The following GPBP1L1 variants were observed in gnomAD, a reference collection of about 807,000 sequenced individuals.
The protein encoded by GPBP1L1 is vasculin-like protein 1.
GPBP1L1 carries 23 observed loss-of-function variants against 52.5 expected under a neutral mutation model. The ratio of observed to expected loss-of-function variants is 0.44; its 90% CI spans 0.32 to 0.62. GPBP1L1 has a LOEUF of 0.62. GPBP1L1 is among the 20% of genes least tolerant of loss of function. GPBP1L1 has a pLI of 0.06. For missense variants in GPBP1L1, 596 were observed against 579.3 expected, an observed-to-expected ratio of 1.03 and a Z score of -0.30; for synonymous variants, 243 against 203.1, an observed-to-expected ratio of 1.20 and a Z score of -1.67.
At chr1:45,685,109 G>A (rs1206776689) in intron 2 of GPBP1L1, among the ~76,000 whole-genome samples, 3 of 150,080 alleles carry the variant, frequency 2.0e-5, no homozygotes, top group African/African-American at 4.9e-5. Context: ...GTTCAAAAGG[G>A]CACGACAATC....
At position 45,634,117 on chromosome 1, in the gene GPBP1L1, T is replaced by G. The variant is rs1416034542; in HGVS notation, c.864A>C (p.Ala288=). 6.2e-7 allele frequency: 1 copy of G among 1,612,786 alleles called. No homozygotes were observed. Among genetic ancestry groups the G allele is most frequent in the Non-Finnish European group, 8.5e-7 (1 of 1,179,142 alleles). ...TCACCTCTTTGGGAGAACTCAGAGC[T>G]GCACCACTAGCCAGTACCACTGGTT... The part of the protein sequence containing the change: ...VTKPVVLASG[A]ALSSPKESPS... Residue 288 remains alanine (A), a synonymous_variant, in exon 9 of 13, where the codon GCA becomes GCC. Transcript: ENST00000355105.
intron 4 of GPBP1L1, among the ~76,000 whole-genome samples, chr1:45,657,018 T>C (rs1644893426): frequency 6.6e-6 from 1 of 152,196 alleles, no homozygotes; most frequent in African/African-American, 2.4e-5. Context: ...CTCTATTCTA[T>C]TCCTTTTATG....
chr1:45,643,362 C>G (rs1338700842), intron 6 of GPBP1L1, among the ~76,000 whole-genome samples: 1 of 152,134 alleles, frequency 6.6e-6, no homozygotes, highest in Non-Finnish European at 1.5e-5. Context: ...AAGTTTTATT[C>G]TACAGGTAAT....
At chr1:45,652,992 T>A (rs1179796391) in intron 6 of GPBP1L1, among the ~76,000 whole-genome samples, 5 of 152,216 alleles carry the variant, frequency 3.3e-5, no homozygotes. Flanking sequence ...TCTGGACTAT[T>A]TGTTATCTAG....
intron 2 of GPBP1L1, among the ~76,000 whole-genome samples, chr1:45,674,963 G>A (rs1013564731): frequency 6.6e-6 from 1 of 152,104 alleles, no homozygotes; most frequent in Non-Finnish European, 1.5e-5. Flanking sequence ...ATGCTTCCAT[G>A]TAGTCCTTTT....
At chr1:45,658,984 C>T in intron 4 of GPBP1L1, 44 bp downstream of exon 4, 1 of 1,338,290 alleles carries the variant, frequency 7.5e-7, no homozygotes, top group Non-Finnish European at 1.1e-6. Context: ...CACCCCCAAA[C>T]CCTCTCATAT....
upstream of GPBP1L1, chr1:45,687,341 T>G (rs540793544): frequency 6.6e-6 from 1 of 152,424 alleles, no homozygotes; most frequent in Admixed American, 6.5e-5. Context: ...AAGGCCTAGC[T>G]CGACTAAAAG....
intron 8 of GPBP1L1, 32 bp downstream of exon 8, chr1:45,640,178 T>C (rs764418025): frequency 3.6e-5 from 56 of 1,543,578 alleles, no homozygotes; most frequent in East Asian, 9.0e-5. Context: ...ACCTCTCTTG[T>C]ATAAGGTTCT....
intron 6 of GPBP1L1, 50 bp downstream of exon 6, chr1:45,654,493 C>A: frequency 6.7e-7 from 1 of 1,488,524 alleles, no homozygotes; most frequent in South Asian, 1.3e-5. Flanking sequence ...TCTCATATTT[C>A]AGACATTATT....
chr1:45,654,329 C>T (rs911849360), intron 6 of GPBP1L1: 1 of 429,226 alleles, frequency 2.3e-6, no homozygotes, highest in East Asian at 3.6e-5. Flanking sequence ...ATTCCAAAGA[C>T]ACAAAGATGA....
chr1:45,685,340 T>G (rs1645266863), intron 2 of GPBP1L1, among the ~76,000 whole-genome samples: 1 of 152,228 alleles, frequency 6.6e-6, no homozygotes, highest in South Asian at 2.1e-4. Context: ...CACGACTTAC[T>G]ACTAAACTAA....
intron 2 of GPBP1L1, among the ~76,000 whole-genome samples, chr1:45,661,531 C>T (rs908028829): frequency 2.0e-5 from 3 of 151,752 alleles, no homozygotes; most frequent in Non-Finnish European, 4.4e-5. Flanking sequence ...TCTCAGCTCA[C>T]TGCAACCTCC....
At chr1:45,639,661 G>A (rs1020319118) in intron 8 of GPBP1L1, among the ~76,000 whole-genome samples, 1 of 151,910 alleles carries the variant, frequency 6.6e-6, no homozygotes, top group African/African-American at 2.4e-5. Context: ...CGGATCACGA[G>A]GTCAGGAGAT....
chr1:45,674,797 G>A (rs1007707350), intron 2 of GPBP1L1, among the ~76,000 whole-genome samples: 11 of 152,164 alleles, frequency 7.2e-5, no homozygotes, highest in Non-Finnish European at 1.0e-4. Context: ...GGTAGGCTAG[G>A]CTAAGCTATG....
chr1:45,669,558 A>G (rs1645049541), intron 2 of GPBP1L1, among the ~76,000 whole-genome samples: 1 of 152,238 alleles, frequency 6.6e-6, no homozygotes, highest in Non-Finnish European at 1.5e-5. Context: ...AAGTAAAAGA[A>G]TAACAGACAT....
At position 45,655,316 on chromosome 1, in the gene GPBP1L1, G is replaced by A. The variant is rs149008550; in HGVS notation, c.64C>T (p.Pro22Ser). 2 of 1,614,078 alleles carry A rather than the reference G, an allele frequency of 1.2e-6. No homozygotes were observed. The highest frequency in any genetic ancestry group is 2.2e-5 in the East Asian group (1 of 44,880). ...CCGTGTTTTTCGAAGGTGGCAGTAG[G>A]TGACTAAGATGATGAAGTATGGAGA... ...NFSTPQSAKS[P>S]TATFEKHGEH... Residue 22 changes from proline to serine, a missense_variant, in exon 5 of 13, where the codon CCT becomes TCT. Coordinates refer to ENST00000355105, the MANE Select transcript of GPBP1L1 (RefSeq NM_021639.5).
intron 11 of GPBP1L1, 88 bp from the exon 12 acceptor site, chr1:45,629,766 G>A: frequency 1.2e-6 from 1 of 864,494 alleles, no homozygotes; most frequent in East Asian, 2.4e-5. Context: ...AAAGTTTTCT[G>A]CCCAGGGGCA....
chr1:45,660,086 A>G, intron 3 of GPBP1L1, 98 bp downstream of exon 3: 2 of 709,142 alleles, frequency 2.8e-6, no homozygotes, highest in Non-Finnish European at 3.5e-6. Flanking sequence ...CCCCACTGAT[A>G]TTCTCCAAAA....
At chr1:45,685,890 C>T (rs534582278) in intron 1 of GPBP1L1, among the ~76,000 whole-genome samples, 32 of 152,176 alleles carry the variant, frequency 2.1e-4, no homozygotes, top group Non-Finnish European at 3.8e-4. Flanking sequence ...ATCGGATAGA[C>T]TCAATCTAAG....
Sources: gnomAD v4.1 joint callset for allele counts (sites outside exome capture counted in the v4.1 genomes callset) on GRCh38, gnomAD v4.1.1 for gene constraint, MANE v1.5 for transcripts, NCBI Gene and HGNC (gene_info 2026-07-23, HGNC 2026-07-21) for gene names.